Variants in NHERF4 observed in about 807,000 individuals in gnomAD.
NHERF4 encodes the protein Na(+)/H(+) exchange regulatory cofactor NHE-RF4.
At chr11:119,189,118 G>A in the NHERF4 span, 5 of 1,614,010 alleles carry the variant, frequency 3.1e-6, no homozygotes, top group South Asian at 2.2e-5. This position sits in a 1 kb window ranked among gnomAD's most constrained non-coding sequence, Gnocchi z 5.8. Context: ...TTCAGCAGCT[G>A]CCTGAGGCTG....
At chr11:119,185,574 C>T in the NHERF4 span, 1 of 1,516,042 alleles carries the variant, frequency 6.6e-7, no homozygotes, top group African/African-American at 1.4e-5. Flanking sequence ...GACTTGGAGG[C>T]TGAAGCTTTG....
At chr11:119,186,724 C>A in the NHERF4 span, 1 of 1,555,622 alleles carries the variant, frequency 6.4e-7, no homozygotes, top group East Asian at 2.3e-5. This position sits in a 1 kb window ranked among gnomAD's most constrained non-coding sequence, Gnocchi z 4.4. Context: ...ATGCTAGCAC[C>A]TCAGAAAGAG....
chr11:119,186,232 G>T, the NHERF4 span: 83 of 1,613,968 alleles, frequency 5.1e-5, no homozygotes, highest in African/African-American at 9.9e-4. This position sits in a 1 kb window ranked among gnomAD's most constrained non-coding sequence, Gnocchi z 4.4. Context: ...CACGGCCTCC[G>T]ATCTCCTTGG....
the NHERF4 span, chr11:119,188,577 G>C: frequency 6.2e-7 from 1 of 1,605,564 alleles, no homozygotes; most frequent in East Asian, 2.2e-5. Context: ...CAGGGGCTAG[G>C]GTTGGGGCAG....
chr11:119,185,588 C>A, the NHERF4 span: 3 of 1,381,612 alleles, frequency 2.2e-6, no homozygotes, highest in Non-Finnish European at 2.1e-6. Flanking sequence ...AGCTTTGGGA[C>A]CAGGGCACAC....
chr11:119,186,189 C>T, the NHERF4 span: 8 of 1,614,210 alleles, frequency 5.0e-6, no homozygotes, highest in East Asian at 1.8e-4. This position sits in a 1 kb window ranked among gnomAD's most constrained non-coding sequence, Gnocchi z 4.4. Context: ...CCCCTGGCAA[C>T]CATTCCCTAT....
the NHERF4 span, chr11:119,187,165 GA>G: frequency 1.4e-6 from 1 of 704,346 alleles, no homozygotes. Context: ...AAAAGAAAAA[GA>G]AAAAAAGCCG....
the NHERF4 span, chr11:119,187,572 G>C: frequency 6.3e-7 from 1 of 1,592,756 alleles, no homozygotes; most frequent in Non-Finnish European, 8.6e-7. Flanking sequence ...AGGCAATCAG[G>C]GTCCTTTCTG....
chr11:119,186,788 C>A, the NHERF4 span: 2 of 1,180,066 alleles, frequency 1.7e-6, no homozygotes, highest in Non-Finnish European at 2.3e-6. The surrounding 1 kb of genome is among the most constrained non-coding windows in gnomAD (Gnocchi z 4.4). Context: ...AAGCCTCACT[C>A]CCCCACACCC....
chr11:119,189,656 G>T, the NHERF4 span: 1 of 747,826 alleles, frequency 1.3e-6, no homozygotes, highest in Non-Finnish European at 2.3e-6. The surrounding 1 kb of genome is among the most constrained non-coding windows in gnomAD (Gnocchi z 5.8). Context: ...AGGCCCACCT[G>T]CCAGCAGAGG....
At chr11:119,187,754 T>A in the NHERF4 span, 1 of 1,466,736 alleles carries the variant, frequency 6.8e-7, no homozygotes, top group Admixed American at 2.8e-5. Context: ...GGGCCCCACC[T>A]CGGGAAGACG....
At chr11:119,185,915 T>C in the NHERF4 span, 1 of 1,614,022 alleles carries the variant, frequency 6.2e-7, no homozygotes, top group Non-Finnish European at 8.5e-7. Context: ...CCCACTTCTT[T>C]GCCCAGTAGA....
chr11:119,188,850 C>T, the NHERF4 span: 102 of 1,614,004 alleles, frequency 6.3e-5, no homozygotes, highest in African/African-American at 1.0e-3. Context: ...CAGTGGGCCT[C>T]GTCTCTTCAT....
At chr11:119,186,794 C>G in the NHERF4 span, 1 of 1,165,590 alleles carries the variant, frequency 8.6e-7, no homozygotes, top group Non-Finnish European at 1.2e-6. This position sits in a 1 kb window ranked among gnomAD's most constrained non-coding sequence, Gnocchi z 4.4. Flanking sequence ...CACTCCCCCA[C>G]ACCCCAGGAT....
chr11:119,187,997 C>T, the NHERF4 span: 1 of 1,571,314 alleles, frequency 6.4e-7, no homozygotes, highest in African/African-American at 1.3e-5. Flanking sequence ...GGTGGAAGAA[C>T]AGTGTCGCCA....
chr11:119,186,519 CAA>C, the NHERF4 span: 13 of 1,614,076 alleles, frequency 8.1e-6, no homozygotes, highest in Non-Finnish European at 1.0e-5. This position sits in a 1 kb window ranked among gnomAD's most constrained non-coding sequence, Gnocchi z 4.4. Context: ...GTTTACTGAG[CAA>C]AGAGGAGGGC....
At chr11:119,186,072 C>T in the NHERF4 span, 1 of 1,610,320 alleles carries the variant, frequency 6.2e-7, no homozygotes, top group Non-Finnish European at 8.5e-7. The surrounding 1 kb of genome is among the most constrained non-coding windows in gnomAD (Gnocchi z 4.4). Flanking sequence ...CTTGTACCTG[C>T]TTCCCCTGCC....
chr11:119,189,582 C>A, the NHERF4 span: 3 of 1,452,942 alleles, frequency 2.1e-6, no homozygotes, highest in Non-Finnish European at 2.9e-6. This position sits in a 1 kb window ranked among gnomAD's most constrained non-coding sequence, Gnocchi z 5.8. Flanking sequence ...TCTCTCTAAG[C>A]CAGACCAGAG....
the NHERF4 span, among the ~76,000 whole-genome samples, chr11:119,186,858 G>A: frequency 2.6e-5 from 4 of 152,064 alleles, no homozygotes; most frequent in African/African-American, 7.2e-5. This position sits in a 1 kb window ranked among gnomAD's most constrained non-coding sequence, Gnocchi z 4.4. Flanking sequence ...GCCGATTCCC[G>A]CTGGGCGCAG....
Sources: allele counts gnomAD v4.1 joint callset (sites outside exome capture counted in the v4.1 genomes callset), GRCh38; gene constraint gnomAD v4.1.1; non-coding constraint Gnocchi (gnomAD v3.1); transcripts MANE v1.5; gene names NCBI Gene and HGNC (gene_info 2026-07-23, HGNC 2026-07-21).